LRCH2: variants seen among roughly 807,000 people sequenced by gnomAD.
LRCH2 encodes leucine-rich repeat and calponin homology domain-containing protein 2.
Under a neutral mutation model 68.9 loss-of-function variants are expected in LRCH2, and 38 were observed. That is an observed-to-expected ratio of 0.55 (90% CI 0.43 to 0.72). The LOEUF is 0.72. Among genes scored for constraint, LRCH2 ranks in the 30% least tolerant of loss-of-function variants. The pLI is 0.00. For synonymous variants in LRCH2, 191 were observed against 208.1 expected (o/e 0.92, Z 0.71); for missense variants, 528 against 572.9 (o/e 0.92, Z 0.80).
At chrX:115,127,147 C>T (rs1039945973) in intron 15 of LRCH2, among the ~76,000 whole-genome samples, 1 of 110,659 alleles carries the variant, frequency 9.0e-6, no homozygotes, top group Non-Finnish European at 1.9e-5. Context: ...CAGTAAGACC[C>T]TCAAGTGGTT....
chrX:115,177,445 T>C (rs1224075452), intron 5 of LRCH2, among the ~76,000 whole-genome samples: 2 of 111,066 alleles, frequency 1.8e-5, no homozygotes, highest in Non-Finnish European at 1.9e-5. Context: ...GCCTGAAATA[T>C]GTAAGACAGG....
chrX:115,171,005 C>T (rs782589812), intron 5 of LRCH2, among the ~76,000 whole-genome samples: 154 of 110,935 alleles, frequency 1.4e-3, no homozygotes, highest in Non-Finnish European at 2.1e-3. Context: ...CTTTCGTTGG[C>T]CATAGAGAAA....
At chrX:115,159,683 G>A (rs940570101) in intron 11 of LRCH2, among the ~76,000 whole-genome samples, 4 of 106,907 alleles carry the variant, frequency 3.7e-5, no homozygotes, top group Non-Finnish European at 7.7e-5. Flanking sequence ...CCCAGGAGGC[G>A]GAGCTTGCAG....
intron 1 of LRCH2, among the ~76,000 whole-genome samples, chrX:115,220,770 T>C (rs781865027): frequency 8.9e-6 from 1 of 111,978 alleles, no homozygotes; most frequent in African/African-American, 3.2e-5. Context: ...GTATTTTCAA[T>C]GTCAATCTTA....
chrX:115,221,107 G>C (rs2073076107), intron 1 of LRCH2, among the ~76,000 whole-genome samples: 1 of 99,349 alleles, frequency 1.0e-5, no homozygotes, highest in African/African-American at 3.8e-5. Context: ...AACCTGGGAG[G>C]CAGAGCTTGC....
intron 15 of LRCH2, among the ~76,000 whole-genome samples, chrX:115,127,372 T>C (rs2072208678): frequency 8.9e-6 from 1 of 111,966 alleles, no homozygotes; most frequent in Admixed American, 9.5e-5. Flanking sequence ...ATGACTATTC[T>C]ACTGCCAACC....
rs781852166 is a variant in LRCH2 at position 115,208,474 on chromosome X, A to C, written c.350-20104T>G. Among the ~76,000 whole-genome samples, 3 of 111,606 alleles carry C rather than the reference A, an allele frequency of 2.7e-5. No individual in the cohort carries two copies. The South Asian group carries it at 1.1e-3, about 42-fold the overall frequency. On this transcript the variant is annotated intron_variant, in intron 1 of 20. Coordinates refer to ENST00000317135, the MANE Select transcript of LRCH2 (RefSeq NM_020871.4). ...CAGTCTATTAGAGATCTTGGTCAAT[A>C]ATCTTAAGTAACCCAATCTAAATTA...
chrX:115,126,856 G>T lies in LRCH2; in HGVS notation c.1778C>A (p.Pro593Gln). ...CAGAACTTGTACCTCAGATGATACT[G>T]GAGATTGTGTTGACATATTAGCATT... The part of the protein sequence containing the change: ...SDNANMSTQS[P>Q]VSSEEYDRTD... Residue 593 changes from proline to glutamine, a missense_variant, in exon 16 of 21, where the codon CCA becomes CAA. Transcript: ENST00000317135. The T allele has an allele frequency of 9.1e-7, 1 of 1,094,404 alleles. No individual in the cohort carries two copies. Among genetic ancestry groups the T allele is most frequent in the Non-Finnish European group, 1.2e-6 (1 of 836,983 alleles). 90.2% of individuals were successfully genotyped at this position (1,094,404 alleles called of 1,213,427 possible). A position where few individuals can be genotyped will look rare whatever the true frequency, so the allele number is the denominator to read the frequency against.
chrX:115,124,300 C>G (rs993381344), intron 16 of LRCH2, among the ~76,000 whole-genome samples: 43 of 111,676 alleles, frequency 3.9e-4, no homozygotes, highest in African/African-American at 1.3e-3. Flanking sequence ...AAGAATCAGA[C>G]TGAAGTTTCC....
chrX:115,220,883 T>C (rs2073073696), intron 1 of LRCH2, among the ~76,000 whole-genome samples: 1 of 110,498 alleles, frequency 9.0e-6, no homozygotes, highest in Admixed American at 9.7e-5. Flanking sequence ...TCTAGCGGCA[T>C]AGTATAAGAA....
At chrX:115,135,136 T>C (rs2072278713) in intron 14 of LRCH2, among the ~76,000 whole-genome samples, 1 of 104,771 alleles carries the variant, frequency 9.5e-6, no homozygotes, top group South Asian at 4.5e-4. Context: ...TTTTTTTTTT[T>C]TTTTGAGACA....
At chrX:115,192,260 G>A (rs2072843863) in intron 1 of LRCH2, 1 of 1,164,595 alleles carries the variant, frequency 8.6e-7, no homozygotes, top group African/African-American at 1.8e-5. Flanking sequence ...CATGGCCGGA[G>A]CCACCGCTAC....
chrX:115,184,395 C>T lies in LRCH2; in HGVS notation c.621+16G>A. On this transcript the variant is annotated intron_variant, in intron 3 of 20. Transcript: ENST00000317135. Reference sequence around the variant, plus strand: ...ATTACGCATATTGCATTAATTAATACAACTAAGTTACTCACCAATTCCATT... The same window carrying T: ...ATTACGCATATTGCATTAATTAATATAACTAAGTTACTCACCAATTCCATT... 1 of 1,125,975 alleles carries T rather than the reference C, an allele frequency of 8.9e-7. No individual in the cohort carries two copies. The highest frequency in any genetic ancestry group is 1.2e-6 in the Non-Finnish European group (1 of 843,174). The allele number at this position is 1,125,975 out of a possible 1,213,427, so 92.8% of individuals were successfully genotyped here. A position where few individuals can be genotyped will look rare whatever the true frequency, so the allele number is the denominator to read the frequency against.
In LRCH2 at chrX:115,192,472, T is replaced by C. The variant is rs188330861; in HGVS notation, c.350-4102A>G. The C allele has an allele frequency of 8.5e-6, 10 of 1,169,742 alleles. No homozygotes were observed. The highest frequency in any genetic ancestry group is 1.1e-5 in the Non-Finnish European group (10 of 874,651). ...CAACAGTTACGGCCGGAGCGACCGCTACTCGAGGGGTCGAGACCGGGTAGG... is the reference window on the plus strand; with the variant it reads ...CAACAGTTACGGCCGGAGCGACCGCCACTCGAGGGGTCGAGACCGGGTAGG... On this transcript the variant is annotated intron_variant, in intron 1 of 20. Transcript: ENST00000317135.
At chrX:115,121,179 A>C (rs1257706087) in intron 20 of LRCH2, among the ~76,000 whole-genome samples, 2 of 109,593 alleles carry the variant, frequency 1.8e-5, no homozygotes, top group Non-Finnish European at 3.8e-5. Context: ...AATAATAAAT[A>C]AATAAATAAA....
intron 3 of LRCH2, among the ~76,000 whole-genome samples, chrX:115,180,219 G>A (rs2072681321): frequency 9.0e-6 from 1 of 111,273 alleles, no homozygotes; most frequent in African/African-American, 3.3e-5. Context: ...GATAAAGATT[G>A]ATTTAACTAA....
At chrX:115,223,291 T>C (rs2073096886) in intron 1 of LRCH2, among the ~76,000 whole-genome samples, 3 of 111,605 alleles carry the variant, frequency 2.7e-5, no homozygotes. Flanking sequence ...AATGCTTCCT[T>C]AGACATGACA....
chrX:115,167,618 C>G (rs782347990), intron 6 of LRCH2, among the ~76,000 whole-genome samples: 33 of 110,606 alleles, frequency 3.0e-4, no homozygotes, highest in Non-Finnish European at 4.7e-4. Context: ...ATAATTCTTA[C>G]AGTCTTGAAG....
At chrX:115,227,261 T>C (rs1482889715) in intron 1 of LRCH2, among the ~76,000 whole-genome samples, 3 of 104,105 alleles carry the variant, frequency 2.9e-5, no homozygotes, top group Admixed American at 2.1e-4. Flanking sequence ...CCAGGCAACA[T>C]AGCCAGGGCA....
Sources: allele counts gnomAD v4.1 joint callset (sites outside exome capture counted in the v4.1 genomes callset), GRCh38; gene constraint gnomAD v4.1.1; transcripts MANE v1.5; gene names NCBI Gene and HGNC (gene_info 2026-07-23, HGNC 2026-07-21).